CNTN4: variants seen among roughly 807,000 people sequenced by gnomAD.
CNTN4 encodes contactin-4.
A neutral mutation model predicts 122.5 loss-of-function variants in CNTN4; 77 were observed. That is an observed-to-expected ratio of 0.63 (90% CI 0.52 to 0.76). CNTN4 has a LOEUF of 0.76. Among genes scored for constraint, CNTN4 ranks in the 30% least tolerant of loss-of-function variants. CNTN4 has a pLI of 0.00. For missense variants in CNTN4, 1,256 were observed against 1,259.1 expected (o/e 1.00, Z 0.04); for synonymous variants, 512 against 447.0 (o/e 1.15, Z -1.83).
chr3:3,010,933 T>C (rs1359454309), intron 14 of CNTN4, among the ~76,000 whole-genome samples: 1 of 152,172 alleles, frequency 6.6e-6, no homozygotes, highest in Non-Finnish European at 1.5e-5. Flanking sequence ...CTACTGGTAA[T>C]TCCACACACT....
chr3:2,460,345 C>T (rs2049159733), intron 3 of CNTN4, among the ~76,000 whole-genome samples: 1 of 152,066 alleles, frequency 6.6e-6, no homozygotes, highest in Admixed American at 6.6e-5. Context: ...TTGAGAATCT[C>T]GTGCCAGGTC....
At chr3:2,482,485 A>G (rs1052220696) in intron 3 of CNTN4, among the ~76,000 whole-genome samples, 17 of 152,096 alleles carry the variant, frequency 1.1e-4, no homozygotes, top group African/African-American at 4.1e-4. Flanking sequence ...AGAAAATTCC[A>G]TAAGTAATAA....
intron 3 of CNTN4, among the ~76,000 whole-genome samples, chr3:2,423,234 T>C (rs2047678851): frequency 6.6e-6 from 1 of 152,228 alleles, no homozygotes; most frequent in Non-Finnish European, 1.5e-5. Context: ...AAATGGACAA[T>C]TTTTGACAAA....
intron 2 of CNTN4, among the ~76,000 whole-genome samples, chr3:2,297,714 T>A (rs1357855270): frequency 6.6e-6 from 1 of 152,070 alleles, no homozygotes; most frequent in Admixed American, 6.6e-5. Flanking sequence ...GTGTTTTGTT[T>A]GTTTGTTTTG....
intron 20 of CNTN4, among the ~76,000 whole-genome samples, chr3:3,040,725 C>A (rs1272711080): frequency 1.3e-5 from 2 of 152,026 alleles, no homozygotes; most frequent in Non-Finnish European, 2.9e-5. Context: ...GTTGGGAGTT[C>A]GGGACCAGCC....
rs1455448959 is a variant in CNTN4 at position 2,656,573 on chromosome 3, C to T, written c.56-79642C>T. 2.6e-5 allele frequency among the ~76,000 whole-genome samples: 4 copies of T among 152,298 alleles called. No homozygotes were observed. The South Asian group carries it at 8.3e-4, about 32-fold the overall frequency. ...TACAGTCCCTGGAGCATAATGCGGA[C>T]TAACTTAACATTTGGTGAGTGAATT... is the stretch of plus-strand genomic sequence containing the variant. On this transcript the variant is annotated intron_variant, in intron 4 of 24. Coordinates refer to ENST00000418658, the MANE Select transcript of CNTN4 (RefSeq NM_175607.3).
chr3:2,276,316 G>A lies in CNTN4; in HGVS notation c.-144-62862G>A, dbSNP rs115678176. Among the ~76,000 whole-genome samples, 1,216 of 152,060 alleles carry A rather than the reference G, an allele frequency of 8.0e-3. 18 individuals carry two copies. Among genetic ancestry groups the A allele is most frequent in the African/African-American group, 0.028 (1,151 of 41,458 alleles). On this transcript the variant is annotated intron_variant, in intron 2 of 24. Coordinates refer to ENST00000418658, the MANE Select transcript of CNTN4 (RefSeq NM_175607.3). ...GCCTCCCGAGTAGGTAGGATTACAG[G>A]TGCAAGCCACTGTGCTCAGCTATTT...
chr3:2,558,050 A>T (rs1364020472), intron 3 of CNTN4, among the ~76,000 whole-genome samples: 1 of 152,222 alleles, frequency 6.6e-6, no homozygotes, highest in Non-Finnish European at 1.5e-5. Flanking sequence ...CCACTGATGT[A>T]AAAACAAAAA....
chr3:2,462,242 AGT>A (rs2049242215), intron 3 of CNTN4, among the ~76,000 whole-genome samples: 1 of 152,268 alleles, frequency 6.6e-6, no homozygotes, highest in Non-Finnish European at 1.5e-5. Flanking sequence ...TGCTTAGTTT[AGT>A]GTGTCTTTTA....
intron 13 of CNTN4, among the ~76,000 whole-genome samples, chr3:2,943,365 C>T (rs1278805214): frequency 1.3e-5 from 2 of 152,068 alleles, no homozygotes; most frequent in Non-Finnish European, 2.9e-5. Flanking sequence ...CAACTCAAGC[C>T]TGCAATTAGC....
At chr3:2,642,477 A>T (rs2082939249) in intron 4 of CNTN4, among the ~76,000 whole-genome samples, 1 of 152,202 alleles carries the variant, frequency 6.6e-6, no homozygotes, top group African/African-American at 2.4e-5. Context: ...ATTAACCATT[A>T]AACTCTCCTT....
At chr3:2,125,219 A>C (rs2034065758) in intron 2 of CNTN4, among the ~76,000 whole-genome samples, 1 of 152,042 alleles carries the variant, frequency 6.6e-6, no homozygotes, top group Admixed American at 6.6e-5. Flanking sequence ...CCCAGTATTT[A>C]ACCTTCTGTA....
intron 4 of CNTN4, among the ~76,000 whole-genome samples, chr3:2,581,086 G>A (rs1262908819): frequency 6.6e-6 from 1 of 152,100 alleles, no homozygotes; most frequent in East Asian, 1.9e-4. Context: ...TTGTCATCTG[G>A]CAACTTATTA....
intron 4 of CNTN4, among the ~76,000 whole-genome samples, chr3:2,573,311 G>A (rs1351163774): frequency 2.0e-5 from 3 of 151,972 alleles, no homozygotes; most frequent in East Asian, 1.9e-4. Flanking sequence ...TTGAGTTCAC[G>A]TCTTCCCCGC....
chr3:2,988,378 C>A lies in CNTN4; in HGVS notation c.1392C>A (p.Ile464=), dbSNP rs1488828884. ...ITISEDGNLR[I]INVTKSDAGS... ...TTTCTGAAGATGGAAACCTCAGAAT[C>A]ATCAACGTTACTAAATCAGACGCTG... The change falls in exon 14 of 25, where the codon ATC becomes ATA. Residue 464 remains isoleucine (I), a synonymous_variant. Coordinates refer to ENST00000418658, the MANE Select transcript of CNTN4 (RefSeq NM_175607.3). The A allele has an allele frequency of 6.2e-7, 1 of 1,613,568 alleles. No individual in the cohort carries two copies. The highest frequency in any genetic ancestry group is 8.5e-7 in the Non-Finnish European group (1 of 1,179,724).
At chr3:2,452,900 T>TA (rs959737975) in intron 3 of CNTN4, among the ~76,000 whole-genome samples, 7 of 152,238 alleles carry the variant, frequency 4.6e-5, no homozygotes, top group African/African-American at 1.2e-4. Flanking sequence ...CCATGAACTC[T>TA]AAAAAATCAC....
chr3:2,886,253 T>G (rs1030314206), intron 9 of CNTN4, among the ~76,000 whole-genome samples: 1 of 151,688 alleles, frequency 6.6e-6, no homozygotes, highest in African/African-American at 2.4e-5. Context: ...AAAAATTAGC[T>G]AGGCATGGTG....
At position 2,798,933 on chromosome 3, in the gene CNTN4, G is replaced by T. The variant is rs192883312; in HGVS notation, c.359-20553G>T. Among the ~76,000 whole-genome samples the T allele has an allele frequency of 3.7e-4, 56 of 152,236 alleles. No homozygotes were observed. The East Asian group carries it at 9.3e-3, about 25-fold the overall frequency. ...AAATCTCTATACTGTTTTCCATAGA[G>T]TTGTACTAATTTACACTCCTACCGA... On this transcript the variant is annotated intron_variant, in intron 6 of 24. Coordinates refer to ENST00000418658, the MANE Select transcript of CNTN4 (RefSeq NM_175607.3).
rs1489574631 is a variant in CNTN4, at chr3:2,141,056, A to T, written c.-145+40417A>T. 5.9e-5 allele frequency among the ~76,000 whole-genome samples: 9 copies of T among 152,188 alleles called. No homozygotes were observed. In the South Asian group the frequency reaches 1.0e-3, roughly 18 times the overall value. ...TTACTTACTCCTGTTCTTCAGCTGG[A>T]ATATCAGTTGCTGGGGGAGCTGGAG... On this transcript the variant is annotated intron_variant, in intron 2 of 24. Coordinates refer to ENST00000418658, the MANE Select transcript of CNTN4 (RefSeq NM_175607.3).
Sources: gnomAD v4.1 joint callset for allele counts (sites outside exome capture counted in the v4.1 genomes callset) on GRCh38, gnomAD v4.1.1 for gene constraint, MANE v1.5 for transcripts, NCBI Gene and HGNC (gene_info 2026-07-23, HGNC 2026-07-21) for gene names.